Variants in SLC35F2 observed in about 807,000 individuals in gnomAD.
SLC35F2 encodes the protein queuine/queuosine transporter SLC35F2.
A neutral mutation model predicts 38.1 loss-of-function variants in SLC35F2; 25 were observed. That is an observed-to-expected ratio of 0.66 (90% confidence interval 0.48 to 0.92). SLC35F2 has a LOEUF of 0.92. Among genes scored for constraint, SLC35F2 ranks in the 40% least tolerant of loss-of-function variants. The pLI is 0.00. For missense variants in SLC35F2, 409 were observed against 452.9 expected (o/e 0.90, Z 0.88); for synonymous variants, 173 against 181.7 (o/e 0.95, Z 0.38).
At chr11:107,853,838 A>G (rs1459419534) in intron 1 of SLC35F2, among the ~76,000 whole-genome samples, 2 of 151,908 alleles carry the variant, frequency 1.3e-5, no homozygotes, top group Non-Finnish European at 2.9e-5. Context: ...ATTTGATGGG[A>G]AAAAGATAAA....
chr11:107,816,660 C>T (rs1425103374), intron 1 of SLC35F2, among the ~76,000 whole-genome samples: 1 of 151,940 alleles, frequency 6.6e-6, no homozygotes, highest in South Asian at 2.1e-4. Flanking sequence ...TAAAATAATA[C>T]GTATTTTCTG....
intron 1 of SLC35F2, among the ~76,000 whole-genome samples, chr11:107,842,287 T>TAAAAAAAAAAAAA (rs1292690214): frequency 8.7e-4 from 62 of 71,226 alleles, no homozygotes; most frequent in South Asian, 2.2e-3. Flanking sequence ...AAAAAAAAAT[T>TAAAAAAAAAAAAA]AAAGCTTGAC....
chr11:107,816,220 G>T (rs1859571713), intron 1 of SLC35F2: 17 of 985,104 alleles, frequency 1.7e-5, no homozygotes, highest in Non-Finnish European at 1.9e-5. Flanking sequence ...TCCATTTAGA[G>T]ATCATTTTGA....
At chr11:107,851,489 T>A (rs199564920) in intron 1 of SLC35F2, among the ~76,000 whole-genome samples, 40 of 124,680 alleles carry the variant, frequency 3.2e-4, no homozygotes, top group Admixed American at 4.4e-4. Context: ...AAAAATAAAT[T>A]AAAAAAAAAA....
chr11:107,816,137 ACTACATTTT>A, intron 1 of SLC35F2, 172 bp from the exon 2 acceptor site: 1 of 985,168 alleles, frequency 1.0e-6, no homozygotes, highest in Non-Finnish European at 1.2e-6. Context: ...TTACTGAAGG[ACTACATTTT>A]TATTCTCTAT....
intron 1 of SLC35F2, among the ~76,000 whole-genome samples, chr11:107,839,676 G>A (rs1337515917): frequency 2.0e-5 from 3 of 152,070 alleles, no homozygotes; most frequent in African/African-American, 4.8e-5. Context: ...TTTTTGAGAC[G>A]GAGTTTCGCT....
intron 7 of SLC35F2, among the ~76,000 whole-genome samples, chr11:107,800,207 T>C (rs1859286266): frequency 6.6e-6 from 1 of 151,846 alleles, no homozygotes; most frequent in Admixed American, 6.6e-5. Flanking sequence ...TTTAATGATG[T>C]TACTAGTAAG....
At chr11:107,858,625 C>A in intron 1 of SLC35F2, 33 bp downstream of exon 1, 3 of 1,262,842 alleles carry the variant, frequency 2.4e-6, no homozygotes, top group East Asian at 3.0e-5. Flanking sequence ...CCCCCACGCC[C>A]CAGCGGAGCT....
intron 4 of SLC35F2, among the ~76,000 whole-genome samples, chr11:107,806,400 C>T (rs1859390251): frequency 6.6e-6 from 1 of 152,224 alleles, no homozygotes; most frequent in Non-Finnish European, 1.5e-5. Flanking sequence ...AATTTTCTCT[C>T]TCAATCCAAA....
intron 7 of SLC35F2, among the ~76,000 whole-genome samples, chr11:107,795,558 C>T (rs1406206042): frequency 6.6e-6 from 1 of 152,170 alleles, no homozygotes; most frequent in Non-Finnish European, 1.5e-5. Context: ...AAAATATCTG[C>T]AAACTATTAA....
rs748687282 is a variant in SLC35F2, at chr11:107,805,432, C to T, written c.658G>A (p.Val220Met). The change falls in exon 5 of 8, where the codon GTG becomes ATG. Residue 220 changes from valine to methionine, a missense_variant. Val to Met is a conservative substitution (Grantham distance 21). Coordinates refer to ENST00000525815, the MANE Select transcript of SLC35F2 (RefSeq NM_017515.5). ...AACTCCTGTCTGCTCAGCTTCTTCACGATGTATTCCTCACAAACATTTGAA... is the reference window on the plus strand; with the variant it reads ...AACTCCTGTCTGCTCAGCTTCTTCATGATGTATTCCTCACAAACATTTGAA... ...AISNVCEEYI[V>M]KKLSRQEFLG... The T allele has an allele frequency of 4.3e-6, 7 of 1,614,096 alleles. No individual in the cohort carries two copies. The highest frequency in any genetic ancestry group is 1.3e-5 in the African/African-American group (1 of 75,028).
intron 2 of SLC35F2, among the ~76,000 whole-genome samples, 194 bp downstream of exon 2, chr11:107,815,596 A>C (rs942236816): frequency 6.6e-6 from 1 of 151,654 alleles, no homozygotes; most frequent in Non-Finnish European, 1.5e-5. Context: ...ACACACACAA[A>C]AAAAAAAACA....
intron 7 of SLC35F2, among the ~76,000 whole-genome samples, chr11:107,799,779 A>G (rs1859276414): frequency 6.6e-6 from 1 of 152,104 alleles, no homozygotes; most frequent in African/African-American, 2.4e-5. Flanking sequence ...CATGTTGGCC[A>G]GGATGGTCTC....
chr11:107,842,672 G>A (rs1261934077), intron 1 of SLC35F2, among the ~76,000 whole-genome samples: 4 of 152,146 alleles, frequency 2.6e-5, no homozygotes, highest in Non-Finnish European at 4.4e-5. Context: ...GGTGTGTACC[G>A]CCATACCTGG....
intron 1 of SLC35F2, among the ~76,000 whole-genome samples, chr11:107,856,117 AAAAAAAG>A (rs932166541): frequency 4.6e-5 from 7 of 151,464 alleles, no homozygotes; most frequent in South Asian, 2.1e-4. Flanking sequence ...AAAAAAAAAA[AAAAAAAG>A]AAGAAGAAGA....
intron 1 of SLC35F2, among the ~76,000 whole-genome samples, chr11:107,850,679 G>C (rs112375876): frequency 6.6e-6 from 1 of 151,424 alleles, no homozygotes; most frequent in South Asian, 2.1e-4. Context: ...AAAATTAGCC[G>C]AACGTGGTGG....
intron 1 of SLC35F2, among the ~76,000 whole-genome samples, chr11:107,839,075 G>A (rs186170027): frequency 1.5e-4 from 23 of 152,216 alleles, no homozygotes; most frequent in Non-Finnish European, 1.9e-4. Flanking sequence ...CATTTTTCCC[G>A]TTCCATACAC....
chr11:107,831,178 G>C (rs1209040526), intron 1 of SLC35F2, among the ~76,000 whole-genome samples: 1 of 152,134 alleles, frequency 6.6e-6, no homozygotes, highest in African/African-American at 2.4e-5. Flanking sequence ...GAACAAGTAG[G>C]AACAAATGGA....
At chr11:107,792,916 TC>T in intron 7 of SLC35F2, 116 bp from the exon 8 acceptor site, 2 of 1,317,506 alleles carry the variant, frequency 1.5e-6, no homozygotes, top group Admixed American at 7.6e-5. Context: ...TTTCTTTCTT[TC>T]TTTCTTTCTT....
Sources: gnomAD v4.1 joint callset for allele counts (sites outside exome capture counted in the v4.1 genomes callset) on GRCh38, gnomAD v4.1.1 for gene constraint, MANE v1.5 for transcripts, NCBI Gene and HGNC (gene_info 2026-07-23, HGNC 2026-07-21) for gene names.